Variants in CA10 observed in about 807,000 individuals in gnomAD.
CA10 encodes the protein carbonic anhydrase 10 (inactive), also known as carbonic anhydrase-related protein 10.
A neutral mutation model predicts 44.2 loss-of-function variants in CA10; 14 were observed. The ratio of observed to expected loss-of-function variants is 0.32; its 90% confidence interval spans 0.21 to 0.50. CA10 has a LOEUF of 0.50. Ranked by LOEUF, CA10 falls within the 20% of genes least tolerant of loss-of-function variation. The pLI, the probability that CA10 is intolerant of heterozygous loss-of-function variation, is 0.99. For missense variants in CA10, 350 were observed against 409.7 expected, an observed-to-expected ratio of 0.85 and a Z score of 1.26; for synonymous variants, 159 against 141.6, an observed-to-expected ratio of 1.12 and a Z score of -0.87.
intron 6 of CA10, among the ~76,000 whole-genome samples, chr17:51,640,511 A>C (rs1489033470): frequency 6.6e-6 from 1 of 152,182 alleles, no homozygotes; most frequent in African/African-American, 2.4e-5. Flanking sequence ...TTTAACGTGT[A>C]ATGTTTGTTT....
At chr17:51,724,767 C>T (rs1252398391) in intron 4 of CA10, among the ~76,000 whole-genome samples, 1 of 152,164 alleles carries the variant, frequency 6.6e-6, no homozygotes, top group African/African-American at 2.4e-5. Context: ...TAAACCATGC[C>T]TATCCCTGAA....
At chr17:52,091,893 T>G (rs1008587131) in intron 1 of CA10, among the ~76,000 whole-genome samples, 1 of 152,222 alleles carries the variant, frequency 6.6e-6, no homozygotes, top group Non-Finnish European at 1.5e-5. Context: ...GCTTTCTGCA[T>G]AGCCAGTGAG....
At chr17:51,819,244 C>T (rs1454439985) in intron 3 of CA10, among the ~76,000 whole-genome samples, 1 of 152,174 alleles carries the variant, frequency 6.6e-6, no homozygotes, top group African/African-American at 2.4e-5. Flanking sequence ...TCCATATACA[C>T]TTTAAACTTC....
intron 2 of CA10, among the ~76,000 whole-genome samples, chr17:51,947,551 T>A (rs1983330692): frequency 6.6e-6 from 1 of 152,212 alleles, no homozygotes; most frequent in Non-Finnish European, 1.5e-5. Flanking sequence ...TATGACACTA[T>A]AATCTGAATT....
chr17:51,646,496 TG>T (rs923089728), intron 6 of CA10, among the ~76,000 whole-genome samples: 1 of 151,682 alleles, frequency 6.6e-6, no homozygotes, highest in African/African-American at 2.4e-5. Flanking sequence ...AATGGTGGGG[TG>T]GGGGGTTGAT....
chr17:52,046,050 C>A (rs971172277), intron 2 of CA10, among the ~76,000 whole-genome samples: 2 of 151,752 alleles, frequency 1.3e-5, no homozygotes, highest in Admixed American at 6.6e-5. Flanking sequence ...ATCACACATA[C>A]TAAGATTTGT....
At chr17:51,874,067 AT>A (rs1979939717) in intron 3 of CA10, among the ~76,000 whole-genome samples, 1 of 152,204 alleles carries the variant, frequency 6.6e-6, no homozygotes, top group East Asian at 1.9e-4. Flanking sequence ...CCAGTTAACT[AT>A]GGCTTTTAAT....
chr17:52,018,845 T>C (rs1479766463), intron 2 of CA10, among the ~76,000 whole-genome samples: 2 of 147,962 alleles, frequency 1.4e-5, no homozygotes, highest in Non-Finnish European at 3.0e-5. Context: ...GTATTACAGG[T>C]GGACCTAGTG....
intron 2 of CA10, among the ~76,000 whole-genome samples, chr17:52,040,983 C>A (rs948656553): frequency 2.6e-5 from 4 of 151,850 alleles, no homozygotes; most frequent in Admixed American, 6.6e-5. Context: ...GGTAAAGGGG[C>A]AATACACAGG....
At position 52,036,087 on chromosome 17, in the gene CA10, A is replaced by G. The variant is rs1203720524; in HGVS notation, c.136+36232T>C. On this transcript the variant is annotated intron_variant, in intron 2 of 8. Coordinates refer to ENST00000451037, the MANE Select transcript of CA10 (RefSeq NM_020178.5). ...GTAGGGGTGGGGCCTGAGAATTTGC[A>G]TTTCCCACGAGTTCCCAGAGGATGT... Among the ~76,000 whole-genome samples the G allele has an allele frequency of 5.9e-5, 9 of 152,182 alleles. No homozygotes were observed. In the East Asian group the frequency reaches 1.7e-3, roughly 29 times the overall value.
intron 3 of CA10, among the ~76,000 whole-genome samples, chr17:51,781,527 A>G (rs1434098585): frequency 6.6e-6 from 1 of 152,318 alleles, no homozygotes. Flanking sequence ...GCCTCTTATT[A>G]TCTGAACTCA....
chr17:52,007,247 CTCTTT>C, intron 2 of CA10, among the ~76,000 whole-genome samples: 1 of 151,558 alleles, frequency 6.6e-6, no homozygotes, highest in East Asian at 1.9e-4. Flanking sequence ...TTATATTCTT[CTCTTT>C]TCTTTCCAGT....
At chr17:51,961,574 CAAAG>C in intron 2 of CA10, among the ~76,000 whole-genome samples, 1 of 151,960 alleles carries the variant, frequency 6.6e-6, no homozygotes. Context: ...GAAGACTGAC[CAAAG>C]AGAGAAGTAG....
chr17:52,088,964 G>A (rs1262789063), intron 1 of CA10, among the ~76,000 whole-genome samples: 1 of 152,122 alleles, frequency 6.6e-6, no homozygotes, highest in Non-Finnish European at 1.5e-5. Context: ...TCATCATGGT[G>A]GCCAGGTTTC....
At chr17:51,966,545 T>C (rs1043058796) in intron 2 of CA10, among the ~76,000 whole-genome samples, 1 of 151,402 alleles carries the variant, frequency 6.6e-6, no homozygotes, top group African/African-American at 2.4e-5. Context: ...GACCCAGATA[T>C]AAGCCACACA....
intron 3 of CA10, among the ~76,000 whole-genome samples, chr17:51,877,644 G>C (rs1345333548): frequency 6.6e-6 from 1 of 152,094 alleles, no homozygotes; most frequent in African/African-American, 2.4e-5. Flanking sequence ...CAGGTGTGCT[G>C]GTACACCATC....
chr17:52,063,625 G>A (rs1470285271), intron 2 of CA10, among the ~76,000 whole-genome samples: 1 of 152,102 alleles, frequency 6.6e-6, no homozygotes, highest in African/African-American at 2.4e-5. Flanking sequence ...TGTATCTCTT[G>A]CTTCCTCTCT....
intron 3 of CA10, among the ~76,000 whole-genome samples, chr17:51,775,352 T>C (rs1048076020): frequency 1.3e-5 from 2 of 152,158 alleles, no homozygotes; most frequent in East Asian, 1.9e-4. Flanking sequence ...TTGCAGCATA[T>C]GTTAGCTGGA....
At position 51,933,888 on chromosome 17, in the gene CA10, G is replaced by A. The variant is rs148936774; in HGVS notation, c.137-2756C>T. ...CTGCTGCTGTACTTCACTAATAAAC[G>A]TCATGCCCAAAAAGTACCCCCGCAA... On this transcript the variant is annotated intron_variant, in intron 2 of 8. Coordinates refer to ENST00000451037, the MANE Select transcript of CA10 (RefSeq NM_020178.5). Among the ~76,000 whole-genome samples, 597 of 152,180 alleles carry A rather than the reference G, an allele frequency of 3.9e-3. 2 individuals carry two copies. Among genetic ancestry groups the A allele is most frequent in the African/African-American group, 0.014 (562 of 41,534 alleles).
Sources: gnomAD v4.1 joint callset for allele counts (sites outside exome capture counted in the v4.1 genomes callset) on GRCh38, gnomAD v4.1.1 for gene constraint, MANE v1.5 for transcripts, NCBI Gene and HGNC (gene_info 2026-07-23, HGNC 2026-07-21) for gene names.